The following ABCF3 variants were observed in gnomAD, a reference collection of about 807,000 sequenced individuals.
ABCF3 encodes ATP-binding cassette sub-family F member 3.
In ABCF3, 62 loss-of-function variants were observed where a neutral mutation model predicts 94.3. The observed-to-expected ratio is 0.66, with a 90% CI of 0.54 to 0.81. The LOEUF (loss-of-function observed/expected upper bound fraction) is 0.81, where lower values mean the gene tolerates loss of function less well. Among genes scored for constraint, ABCF3 ranks in the 40% least tolerant of loss-of-function variants. ABCF3 has a pLI of 0.00. For synonymous variants in ABCF3, 355 were observed against 361.1 expected, an observed-to-expected ratio of 0.98 and a Z score of 0.19; for missense variants, 843 against 925.3, an observed-to-expected ratio of 0.91 and a Z score of 1.15.
At position 184,187,391 on chromosome 3, in the gene ABCF3, T is replaced by C. The variant is rs1715706730; in HGVS notation, c.302-6T>C. ...AGAAGGTGACTGCTTTTCTTATCGC[T>C]TACAGACTGTGGAACCAAACTTCCA... On this transcript the variant is annotated splice_region_variant and splice_polypyrimidine_tract_variant and intron_variant, in intron 3 of 20. Coordinates refer to ENST00000429586, the MANE Select transcript of ABCF3 (RefSeq NM_018358.3). 6.2e-7 allele frequency: 1 copy of C among 1,613,820 alleles called. No individual in the cohort carries two copies. The highest frequency in any genetic ancestry group is 8.5e-7 in the Non-Finnish European group (1 of 1,180,032).
rs778952224 is a variant in ABCF3, at chr3:184,186,782, C to G, written c.222-14C>G. 1 of 1,612,018 alleles carries G rather than the reference C, an allele frequency of 6.2e-7. No individual in the cohort carries two copies. The highest frequency in any genetic ancestry group is 1.1e-5 in the South Asian group (1 of 90,824). ...CAACTCCTAACTCTGCGCTTTCTAT[C>G]CCTACCCACATAGGGCTGAGCCACA... is the stretch of plus-strand genomic sequence containing the variant. On this transcript the variant is annotated splice_polypyrimidine_tract_variant and intron_variant, in intron 2 of 20. Coordinates refer to ENST00000429586, the MANE Select transcript of ABCF3 (RefSeq NM_018358.3).
intron 16 of ABCF3, 147 bp downstream of exon 16, chr3:184,191,402 C>G (rs1489395703): frequency 1.7e-6 from 2 of 1,177,244 alleles, no homozygotes; most frequent in African/African-American, 1.5e-5. Context: ...AGGACTTACA[C>G]TAGCCCTGTC....
intron 16 of ABCF3, 85 bp from the exon 17 acceptor site, chr3:184,192,515 AC>A (rs1365576221): frequency 3.9e-6 from 5 of 1,278,304 alleles, no homozygotes; most frequent in Middle Eastern, 2.1e-4. Context: ...TATGTGCTCA[AC>A]ACTTTTTAGT....
chr3:184,193,922 C>T lies in ABCF3; in HGVS notation c.*224C>T, dbSNP rs538440392. On this transcript the variant is annotated 3_prime_UTR_variant, in exon 21 of 21. Coordinates refer to ENST00000429586, the MANE Select transcript of ABCF3 (RefSeq NM_018358.3). This position sits in a 1 kb window ranked among gnomAD's most constrained non-coding sequence, Gnocchi z 5.2. ...CGGGGGTGGGGGTCTGGGGGGTACC[C>T]TCTGGGGTTATAGATTCCCCCACTG... 6 of 564,988 alleles carry T rather than the reference C, an allele frequency of 1.1e-5. No individual in the cohort carries two copies. The South Asian group carries it at 1.5e-4, about 14-fold the overall frequency. The allele number at this position is 564,988 out of a possible 1,614,324, so 35.0% of individuals were successfully genotyped here. A position where few individuals can be genotyped will look rare whatever the true frequency, so the allele number is the denominator to read the frequency against.
In ABCF3 at chr3:184,193,264, C is replaced by G; in HGVS notation, c.1883+30C>G. On this transcript the variant is annotated intron_variant, in intron 19 of 20. Coordinates refer to ENST00000429586, the MANE Select transcript of ABCF3 (RefSeq NM_018358.3). This position sits in a 1 kb window ranked among gnomAD's most constrained non-coding sequence, Gnocchi z 5.2. ...GGCCTCATTTTCCAGAGCTCTTCCC[C>G]TCCCATTTCCCCTTCTTGCCCAGTA... is the stretch of plus-strand genomic sequence containing the variant. 6.3e-7 allele frequency: 1 copy of G among 1,588,528 alleles called. No individual in the cohort carries two copies. The highest frequency in any genetic ancestry group is 8.6e-7 in the Non-Finnish European group (1 of 1,166,868).
At position 184,186,592 on chromosome 3, in the gene ABCF3, G is replaced by T. The variant is rs1408541866; in HGVS notation, c.159G>T (p.Gly53=). Residue 53 remains glycine, a synonymous_variant, in exon 2 of 21, where the codon GGG becomes GGT. Transcript: ENST00000429586. ...GGGAACTATTGCAAGAGGTGTCCGG[G>T]GACAGCAAGGATGACGCGGGCATCA... is the stretch of plus-strand genomic sequence containing the variant. ...AVGELLQEVS[G]DSKDDAGIRA... The T allele has an allele frequency of 1.2e-6, 2 of 1,614,010 alleles. No individual in the cohort carries two copies. Among genetic ancestry groups the T allele is most frequent in the East Asian group, 2.2e-5 (1 of 44,888 alleles).
chr3:184,192,322 CTA>C (rs1287795368), intron 16 of ABCF3, among the ~76,000 whole-genome samples: 1 of 152,170 alleles, frequency 6.6e-6, no homozygotes, highest in Non-Finnish European at 1.5e-5. Flanking sequence ...AATGTACAGT[CTA>C]TCATTGTGAA....
At chr3:184,186,922 C>G in intron 3 of ABCF3, 47 bp downstream of exon 3, 1 of 1,570,614 alleles carries the variant, frequency 6.4e-7, no homozygotes, top group Non-Finnish European at 8.7e-7. Context: ...GTGCTTTTCT[C>G]CGCCCCCAAC....
Position 184,192,860 on chromosome 3 carries a change from G to A in ABCF3, c.1714G>A (p.Val572Ile), listed in dbSNP as rs373766540. ...CCATGTGGAGCAGCTGGACCTAAACGTCAGTGCTGTGGAACTGCTGGCACG... is the reference window on the plus strand; with the variant it reads ...CCATGTGGAGCAGCTGGACCTAAACATCAGTGCTGTGGAACTGCTGGCACG... ...QHHVEQLDLNVSAVELLARKF... is the reference protein window; with the variant it reads ...QHHVEQLDLNISAVELLARKF... Residue 572 changes from valine to isoleucine, a missense_variant, in exon 18 of 21, where the codon GTC (valine) becomes ATC (isoleucine). Physicochemically the swap from Val to Ile is conservative, Grantham distance 29. Transcript: ENST00000429586. The A allele has an allele frequency of 9.9e-6, 16 of 1,614,040 alleles. No individual in the cohort carries two copies. Among genetic ancestry groups the A allele is most frequent in the Non-Finnish European group, 1.1e-5 (13 of 1,180,020 alleles).
chr3:184,186,547 T>A lies in ABCF3; in HGVS notation c.114T>A (p.Asp38Glu). Residue 38 changes from aspartate (D) to glutamate (E), a missense_variant, in exon 2 of 21, where the codon GAT (aspartate) becomes GAA (glutamate). Transcript: ENST00000429586. ...GCAGCGCGGACTTCGAGTCTGTGGATGACCTGGTGGAAGCTGTAGGGGAAC... is the reference window on the plus strand; with the variant it reads ...GCAGCGCGGACTTCGAGTCTGTGGAAGACCTGGTGGAAGCTGTAGGGGAAC... Reference protein sequence around the residue: ...HSGSADFESVDDLVEAVGELL... With the variant: ...HSGSADFESVEDLVEAVGELL... 1.2e-6 allele frequency: 2 copies of A among 1,613,808 alleles called. No homozygotes were observed. The highest frequency in any genetic ancestry group is 1.7e-6 in the Non-Finnish European group (2 of 1,179,830).
rs111565446 is a variant in ABCF3 at position 184,192,462 on chromosome 3, A to G, written c.1570-139A>G. The G allele has an allele frequency of 7.8e-5, 64 of 822,470 alleles. 2 individuals are homozygous for G. Among genetic ancestry groups the G allele is most frequent in the African/African-American group, 5.6e-4 (32 of 56,810 alleles). 50.9% of individuals were successfully genotyped at this position (822,470 alleles called of 1,614,324 possible). A position where few individuals can be genotyped will look rare whatever the true frequency, so the allele number is the denominator to read the frequency against. ...CTCTCAATTCCCCTCCTCCCCCCTT[A>G]TCCTTCCCAGCCTCTAGTAACCACA... is the stretch of plus-strand genomic sequence containing the variant. On this transcript the variant is annotated intron_variant, in intron 16 of 20. Transcript: ENST00000429586.
Position 184,187,758 on chromosome 3 carries a change from C to T in ABCF3, c.443C>T (p.Pro148Leu). Residue 148 changes from proline (P) to leucine (L), a missense_variant, in exon 5 of 21, where the codon CCT becomes CTT. Physicochemically the swap from Pro to Leu is moderately conservative, Grantham distance 98 (BLOSUM62 -3). Coordinates refer to ENST00000429586, the MANE Select transcript of ABCF3 (RefSeq NM_018358.3). ...SEKDTLKTSN[P>L]LVLEEASASQ... ...AAGGACACGCTCAAGACCAGCAACC[C>T]TCTGTGAGTGGGGGAAGCATGGCTC... 6.2e-7 allele frequency: 1 copy of T among 1,614,156 alleles called. No homozygotes were observed. Among genetic ancestry groups the T allele is most frequent in the South Asian group, 1.1e-5 (1 of 91,086 alleles).
chr3:184,186,910 C>T (rs771659238), intron 3 of ABCF3, 35 bp downstream of exon 3: 2 of 1,594,438 alleles, frequency 1.3e-6, no homozygotes, highest in Admixed American at 1.7e-5. Context: ...AACTGCCCCC[C>T]TGTGCTTTTC....
chr3:184,186,303 G>C, intron 1 of ABCF3, 23 bp downstream of exon 1: 1 of 1,613,956 alleles, frequency 6.2e-7, no homozygotes, highest in Non-Finnish European at 8.5e-7. Context: ...GAATCGGCCG[G>C]CTGGGGAGAC....
intron 14 of ABCF3, 23 bp from the exon 15 acceptor site, chr3:184,190,976 G>T: frequency 6.2e-7 from 1 of 1,613,430 alleles, no homozygotes; most frequent in Non-Finnish European, 8.5e-7. Context: ...AATAAATCTA[G>T]TCTACCTCAT....
rs773864206 is a variant in ABCF3, at chr3:184,189,567, C to T, written c.1124C>T (p.Ser375Phe). The T allele has an allele frequency of 3.9e-5, 63 of 1,614,036 alleles. 1 individual carries two copies. In the South Asian group the frequency reaches 6.4e-4, roughly 16 times the overall value. ...CCTGTGACCCCTCAGACGTGGCCCTCCACCATCCTAGTCGTCTCCCACGAC... is the reference window on the plus strand; with the variant it reads ...CCTGTGACCCCTCAGACGTGGCCCTTCACCATCCTAGTCGTCTCCCACGAC... The part of the protein sequence containing the change: ...WLENYLQTWP[S>F]TILVVSHDRN... The change falls in exon 13 of 21, where the codon TCC (serine) becomes TTC (phenylalanine). Residue 375 changes from serine (S) to phenylalanine (F), a missense_variant. By Grantham distance (155) the Ser-to-Phe change is radical. Coordinates refer to ENST00000429586, the MANE Select transcript of ABCF3 (RefSeq NM_018358.3).
chr3:184,190,075 AT>A (rs1371222761), intron 14 of ABCF3, 144 bp downstream of exon 14: 2 of 832,590 alleles, frequency 2.4e-6, no homozygotes, highest in African/African-American at 3.4e-5. Flanking sequence ...GAAGCAGAGT[AT>A]TCCACACTGT....
At position 184,186,841 on chromosome 3, in the gene ABCF3, C is replaced by T; in HGVS notation, c.267C>T (p.Ala89=). 2 of 1,613,866 alleles carry T rather than the reference C, an allele frequency of 1.2e-6. No homozygotes were observed. The highest frequency in any genetic ancestry group is 8.5e-7 in the Non-Finnish European group (1 of 1,179,898). ...GAAATAGCCAGGTGCTACTGGACGC[C>T]CCTATCCAGTTGTCAAAGATAACGG... is the stretch of plus-strand genomic sequence containing the variant. The part of the protein sequence containing the change: ...SQGNSQVLLD[A]PIQLSKITEN... The change falls in exon 3 of 21, where the codon GCC becomes GCT. Residue 89 remains alanine (A), a synonymous_variant. Transcript: ENST00000429586.
At chr3:184,190,772 T>C in intron 14 of ABCF3, 1 of 537,118 alleles carries the variant, frequency 1.9e-6, no homozygotes, top group Non-Finnish European at 3.3e-6. Context: ...AGCTTAGATG[T>C]TTGCGACGTG....
Sources: gnomAD v4.1 joint callset for allele counts (sites outside exome capture counted in the v4.1 genomes callset) on GRCh38, gnomAD v4.1.1 for gene constraint, Gnocchi (gnomAD v3.1) non-coding constraint, MANE v1.5 for transcripts, NCBI Gene and HGNC (gene_info 2026-07-23, HGNC 2026-07-21) for gene names.